Variants in HCFC1 observed in about 807,000 individuals in gnomAD.
The protein encoded by HCFC1 is host cell factor 1.
In HCFC1, 7 loss-of-function variants were observed where a neutral mutation model predicts 105.5. The ratio of observed to expected loss-of-function variants is 0.07; its 90% CI spans 0.04 to 0.12. The LOEUF is 0.12. HCFC1 is among the 10% of genes least tolerant of loss of function. The probability of loss-of-function intolerance (pLI) is 1.00; values close to 1 mark genes in which losing one functional copy is unlikely to be tolerated. For synonymous variants in HCFC1, 918 were observed against 828.1 expected (o/e 1.11, Z -1.86); for missense variants, 1,065 against 1,823.6 (o/e 0.58, Z 7.58).
chrX:153,956,114 G>T (rs1171094014), intron 16 of HCFC1, 77 bp downstream of exon 16: 36 of 956,636 alleles, frequency 3.8e-5, no homozygotes, highest in Non-Finnish European at 5.2e-5. Context: ...AAGGCCTGTG[G>T]ACGGACGGCG....
intron 18 of HCFC1, 128 bp from the exon 19 acceptor site, chrX:153,953,086 ATCT>A: frequency 1.7e-6 from 1 of 572,677 alleles, no homozygotes; most frequent in Non-Finnish European, 3.0e-6. Flanking sequence ...CATTGATGAG[ATCT>A]TCTAGAAAGG....
Position 153,954,868 on chromosome X carries a change from G to T in HCFC1, c.3531C>A (p.Thr1177=). 8.6e-7 allele frequency: 1 copy of T among 1,156,230 alleles called. No individual in the cohort carries two copies. Among genetic ancestry groups the T allele is most frequent in the East Asian group, 3.2e-5 (1 of 31,287 alleles). The change falls in exon 17 of 26, where the codon ACC becomes ACA. Residue 1177 remains threonine, a synonymous_variant. Transcript: ENST00000310441. ...QTRQTSATST[T]MTVMATGAPC... ...GGGCCCCGGTGGCCATCACAGTCAT[G>T]GTGGTGCTGGTCGCGCTGGTCTGGC...
At position 153,955,063 on chromosome X, in the gene HCFC1, G is replaced by A. The variant is rs1188350871; in HGVS notation, c.3336C>T (p.His1112=). Residue 1112 remains histidine (H), a synonymous_variant, in exon 17 of 26, where the codon CAC becomes CAT. Transcript: ENST00000310441. ...HGCSNPPCET[H]ETGTTNTATT... ...TGGCAGTGTTGGTGGTGCCCGTCTCGTGGGTCTCGCAGGGTGGGTTTGAGC... is the reference window on the plus strand; with the variant it reads ...TGGCAGTGTTGGTGGTGCCCGTCTCATGGGTCTCGCAGGGTGGGTTTGAGC... The A allele has an allele frequency of 6.6e-6, 8 of 1,209,910 alleles. No homozygotes were observed. Among genetic ancestry groups the A allele is most frequent in the Admixed American group, 2.2e-5 (1 of 45,953 alleles).
intron 23 of HCFC1, 91 bp downstream of exon 23, chrX:153,950,722 T>C: frequency 1.0e-6 from 1 of 982,418 alleles, no homozygotes; most frequent in Admixed American, 2.5e-5. Flanking sequence ...ACTCAAAACC[T>C]AGCTCTCCTA....
intron 18 of HCFC1, 136 bp from the exon 19 acceptor site, chrX:153,953,094 G>A (rs781950160): frequency 1.1e-5 from 6 of 549,231 alleles, no homozygotes; most frequent in Non-Finnish European, 1.9e-5. Context: ...AGATCTTCTA[G>A]AAAGGGAGAG....
rs1165082517 is a variant in HCFC1 at position 153,948,025 on chromosome X, C to G, written c.*1322G>C. The G allele has an allele frequency of 8.9e-6, 1 of 112,113 alleles. No homozygotes were observed. Among genetic ancestry groups the G allele is most frequent in the Non-Finnish European group, 1.9e-5 (1 of 53,150 alleles). The allele number at this position is 112,113 out of a possible 1,213,427, so 9.2% of individuals were successfully genotyped here. On this transcript the variant is annotated 3_prime_UTR_variant, in exon 26 of 26. Coordinates refer to ENST00000310441, the MANE Select transcript of HCFC1 (RefSeq NM_005334.3). ...GGCCTGCTCCATTGCCCTAGCCTCC[C>G]TTGTGGGTGACACTACACAGTCACC...
rs2065317577 is a variant in HCFC1, at chrX:153,951,997, C to CCTGCAGCTGCTGCTG, written c.5089_5103dup (p.Gln1697_Gln1701dup). On this transcript the variant is annotated inframe_insertion, in exon 20 of 26. Coordinates refer to ENST00000310441, the MANE Select transcript of HCFC1 (RefSeq NM_005334.3). ...TGATGCTGCTGCTGGGCCTGGGCCTCCTGCAGCTGCTGCTGCTGCACCAGG... is the reference window on the plus strand; with the variant it reads ...TGATGCTGCTGCTGGGCCTGGGCCTCCTGCAGCTGCTGCTGCTGCAGCTGCTGCTGCTGCACCAGG... The CCTGCAGCTGCTGCTG allele has an allele frequency of 8.4e-7, 1 of 1,196,331 alleles. No individual in the cohort carries two copies. Among genetic ancestry groups the CCTGCAGCTGCTGCTG allele is most frequent in the Admixed American group, 2.2e-5 (1 of 44,722 alleles).
At chrX:153,959,678 C>T in intron 8 of HCFC1, 124 bp downstream of exon 8, 1 of 1,011,367 alleles carries the variant, frequency 9.9e-7, no homozygotes, top group Non-Finnish European at 1.3e-6. Context: ...CCCTTGGAGA[C>T]AAGCCCAAAG....
At chrX:153,966,524 C>G (rs2065475015) in intron 1 of HCFC1, among the ~76,000 whole-genome samples, 1 of 112,873 alleles carries the variant, frequency 8.9e-6, no homozygotes, top group Admixed American at 9.3e-5. Flanking sequence ...AAAGCAAGAG[C>G]TGCCAAGGCC....
At position 153,958,208 on chromosome X, in the gene HCFC1, G is replaced by A; in HGVS notation, c.1845C>T (p.Ala615=). 1 of 1,211,838 alleles carries A rather than the reference G, an allele frequency of 8.3e-7. No homozygotes were observed. The highest frequency in any genetic ancestry group is 1.1e-6 in the Non-Finnish European group (1 of 895,218). ...CGGAGGAAACCGATGTCCCCACCTG[G>A]GCGGCTGCAGTCTTCAGCATGCGAG... The part of the protein sequence containing the change: ...PATRMLKTAA[A]QVGTSVSSAT... Residue 615 remains alanine, a synonymous_variant, in exon 11 of 26, where the codon GCC becomes GCT. Transcript: ENST00000310441.
rs782302951 is a variant in HCFC1 at position 153,960,176 on chromosome X, A to G, written c.1085-15T>C. 8 of 1,201,287 alleles carry G rather than the reference A, an allele frequency of 6.7e-6. No homozygotes were observed. The highest frequency in any genetic ancestry group is 9.0e-6 in the Non-Finnish European group (8 of 889,873). ...TGGTGGCTTTTCTGTGGGAGAACGC[A>G]GTTGGTGAGAAGGGGCGGGAGGCTA... On this transcript the variant is annotated splice_polypyrimidine_tract_variant and intron_variant, in intron 7 of 25. Coordinates refer to ENST00000310441, the MANE Select transcript of HCFC1 (RefSeq NM_005334.3).
intron 17 of HCFC1, 142 bp downstream of exon 17, chrX:153,953,924 C>T (rs782411059): frequency 4.4e-4 from 390 of 880,238 alleles, no homozygotes; most frequent in Middle Eastern, 8.6e-4. Context: ...ACAGCCAGGA[C>T]GCCCCAGCTC....
Position 153,950,508 on chromosome X carries a change from G to A in HCFC1, c.5739C>T (p.Pro1913=). 1.7e-6 allele frequency: 2 copies of A among 1,180,176 alleles called. No homozygotes were observed. The highest frequency in any genetic ancestry group is 2.3e-6 in the Non-Finnish European group (2 of 877,773). The change falls in exon 24 of 26, where the codon CCC becomes CCT. Residue 1913 remains proline, a synonymous_variant. Coordinates refer to ENST00000310441, the MANE Select transcript of HCFC1 (RefSeq NM_005334.3). ...CGATAATCTTGCCGGAGGTCACAGA[G>A]GGTGGCTCCCAGGTGAGGTGAGCAC... The part of the protein sequence containing the change: ...PDGAHLTWEP[P]SVTSGKIIEY...
At chrX:153,967,697 G>C (rs2065485207) in intron 1 of HCFC1, among the ~76,000 whole-genome samples, 2 of 112,016 alleles carry the variant, frequency 1.8e-5, no homozygotes, top group Admixed American at 9.5e-5. Flanking sequence ...CTGGAGAGGG[G>C]AGGACAGGAG....
Position 153,957,378 on chromosome X carries a change from G to A in HCFC1, c.2289C>T (p.Pro763=), listed in dbSNP as rs200081632. 2.1e-4 allele frequency: 251 copies of A among 1,206,604 alleles called. No individual in the cohort carries two copies. The highest frequency in any genetic ancestry group is 6.6e-4 in the Admixed American group (30 of 45,499). ...ISSVSPSTTK[P]GTTTIIKTIP... Reference sequence around the variant, plus strand: ...TGGTTTTGATGATGGTGGTCGTGCCGGGCTTGGTGGTACTGGGGGAGACGC... The same window carrying A: ...TGGTTTTGATGATGGTGGTCGTGCCAGGCTTGGTGGTACTGGGGGAGACGC... The change falls in exon 13 of 26, where the codon CCC becomes CCT. Residue 763 remains proline (P), a synonymous_variant. Coordinates refer to ENST00000310441, the MANE Select transcript of HCFC1 (RefSeq NM_005334.3).
At chrX:153,965,557 G>A (rs2065466817) in intron 1 of HCFC1, among the ~76,000 whole-genome samples, 2 of 112,610 alleles carry the variant, frequency 1.8e-5, no homozygotes, top group Non-Finnish European at 3.8e-5. Flanking sequence ...GTCCCTCAGA[G>A]GATTCACCAC....
intron 1 of HCFC1, among the ~76,000 whole-genome samples, chrX:153,970,375 G>A (rs910184005): frequency 1.1e-5 from 1 of 89,252 alleles, no homozygotes; most frequent in African/African-American, 4.2e-5. Flanking sequence ...GAAGATCAGA[G>A]AAAAGCACTG....
rs782717743 is a variant in HCFC1, at chrX:153,954,682, G to A, written c.3717C>T (p.Thr1239=). ...CCACGCTGGAACGGGTCATGGCAGC[G>A]GTGCTGACCGCATGGCTGTGGCGCC... ...PAGRHSHAVS[T]AAMTRSSVGA... is the part of the protein sequence containing the mutation. Residue 1239 remains threonine, a synonymous_variant, in exon 17 of 26, where the codon ACC becomes ACT. Coordinates refer to ENST00000310441, the MANE Select transcript of HCFC1 (RefSeq NM_005334.3). The A allele has an allele frequency of 1.5e-5, 18 of 1,203,834 alleles. No homozygotes were observed. The highest frequency in any genetic ancestry group is 5.3e-5 in the South Asian group (3 of 56,373).
At position 153,956,172 on chromosome X, in the gene HCFC1, G is replaced by A. The variant is rs1557114876; in HGVS notation, c.2856+19C>T. Reference sequence around the variant, plus strand: ...GTGTGGGGTCCCTCGCCCACACGTGGCCTCAGGCCCTGCCCTACCTGCATG... The same window carrying A: ...GTGTGGGGTCCCTCGCCCACACGTGACCTCAGGCCCTGCCCTACCTGCATG... On this transcript the variant is annotated intron_variant, in intron 16 of 25. Transcript: ENST00000310441. 3.3e-6 allele frequency: 4 copies of A among 1,194,038 alleles called. No individual in the cohort carries two copies.
Sources: gnomAD v4.1 joint callset for allele counts (sites outside exome capture counted in the v4.1 genomes callset) on GRCh38, gnomAD v4.1.1 for gene constraint, MANE v1.5 for transcripts, NCBI Gene and HGNC (gene_info 2026-07-23, HGNC 2026-07-21) for gene names.